CD96: variants seen among roughly 807,000 people sequenced by gnomAD.
CD96 encodes T-cell surface protein tactile.
In CD96, 70 loss-of-function variants were observed where a neutral mutation model predicts 71.3. The observed-to-expected ratio is 0.98, with a 90% CI of 0.81 to 1.20. CD96 has a LOEUF of 1.20. Ranked by LOEUF, CD96 falls within the 50% of genes most tolerant of loss-of-function variation. The pLI, the probability that CD96 is intolerant of heterozygous loss-of-function variation, is 0.00. For synonymous variants in CD96, 248 were observed against 233.0 expected (o/e 1.06, Z -0.59); for missense variants, 742 against 677.5 (o/e 1.10, Z -1.06).
chr3:111,652,725 A>G (rs1940134765), downstream of CD96, among the ~76,000 whole-genome samples: 1 of 152,160 alleles, frequency 6.6e-6, no homozygotes, highest in Admixed American at 6.5e-5. Context: ...CTTTTCACAA[A>G]CCTGCAAATT....
chr3:111,560,567 C>G (rs1156902170), intron 2 of CD96, among the ~76,000 whole-genome samples: 2 of 107,168 alleles, frequency 1.9e-5, no homozygotes, highest in African/African-American at 3.8e-5. Flanking sequence ...AGGGTTTCTG[C>G]CGAGAGATCC....
intron 2 of CD96, among the ~76,000 whole-genome samples, chr3:111,563,119 G>T (rs938923344): frequency 6.6e-6 from 1 of 152,182 alleles, no homozygotes; most frequent in Non-Finnish European, 1.5e-5. Flanking sequence ...CTTTTATAAT[G>T]GCATTAATGC....
rs1939341173 is a variant in CD96 at position 111,636,625 on chromosome 3, A to T, written c.1322-571A>T. ...TGTCTGAGTTTGCTGCCATCCACTC[A>T]AGGGGAAGGTTTGTCTCTAAATGCT... On this transcript the variant is annotated intron_variant, in intron 10 of 13. Coordinates refer to ENST00000352690, the MANE Select transcript of CD96 (RefSeq NM_005816.5). Among the ~76,000 whole-genome samples, 3 of 152,196 alleles carry T rather than the reference A, an allele frequency of 2.0e-5. No homozygotes were observed. The South Asian group carries it at 6.2e-4, about 32-fold the overall frequency.
At chr3:111,556,029 A>G (rs1276858824) in intron 2 of CD96, among the ~76,000 whole-genome samples, 3 of 152,294 alleles carry the variant, frequency 2.0e-5, no homozygotes. Context: ...TTCTTCAGCC[A>G]TCTCAAATTT....
At position 111,614,879 on chromosome 3, in the gene CD96, A is replaced by G. The variant is rs368580080; in HGVS notation, c.1180+8087A>G. Among the ~76,000 whole-genome samples, 13 of 152,298 alleles carry G rather than the reference A, an allele frequency of 8.5e-5. No homozygotes were observed. The East Asian group carries it at 2.3e-3, about 27-fold the overall frequency. Reference sequence around the variant, plus strand: ...TCCACACTTCGCTTGGTCTAAAGTGAAGGAGCGGATTCTTCTTCATCTTCT... The same window carrying G: ...TCCACACTTCGCTTGGTCTAAAGTGGAGGAGCGGATTCTTCTTCATCTTCT... On this transcript the variant is annotated intron_variant, in intron 8 of 13. Coordinates refer to ENST00000352690, the MANE Select transcript of CD96 (RefSeq NM_005816.5).
At chr3:111,579,267 T>C in intron 4 of CD96, 33 bp downstream of exon 4, 2 of 1,074,896 alleles carry the variant, frequency 1.9e-6, no homozygotes, top group Non-Finnish European at 2.9e-6. Flanking sequence ...CTCACTGGCA[T>C]CCTCCTGTCT....
chr3:111,603,560 A>C (rs1937547298), intron 7 of CD96, among the ~76,000 whole-genome samples: 1 of 151,230 alleles, frequency 6.6e-6, no homozygotes, highest in Non-Finnish European at 1.5e-5. Flanking sequence ...TGTTTTGGGG[A>C]GTGGATAGGA....
intron 4 of CD96, among the ~76,000 whole-genome samples, chr3:111,579,986 C>A (rs1936394937): frequency 6.6e-6 from 1 of 152,212 alleles, no homozygotes; most frequent in Non-Finnish European, 1.5e-5. Flanking sequence ...CTGCCAAAAT[C>A]TAATTGTTTA....
intron 8 of CD96, among the ~76,000 whole-genome samples, chr3:111,617,298 C>T (rs143271642): frequency 0.013 from 1,912 of 152,304 alleles, 11 homozygotes; most frequent in Middle Eastern, 0.041. Context: ...TGGCCTGAAG[C>T]CTGGGAGCCA....
intron 12 of CD96, among the ~76,000 whole-genome samples, chr3:111,641,246 G>A (rs575956424): frequency 1.8e-4 from 28 of 152,222 alleles, no homozygotes; most frequent in Non-Finnish European, 2.2e-4. Flanking sequence ...TGCTGCCTTC[G>A]GGAGACTCAC....
downstream of CD96, among the ~76,000 whole-genome samples, chr3:111,652,668 GC>G (rs1260849619): frequency 6.6e-6 from 1 of 152,122 alleles, no homozygotes; most frequent in Non-Finnish European, 1.5e-5. Context: ...AATAGAGTGA[GC>G]GGTTGCTTAT....
intron 5 of CD96, among the ~76,000 whole-genome samples, chr3:111,596,098 G>C (rs1197955475): frequency 6.6e-6 from 1 of 151,970 alleles, no homozygotes; most frequent in Non-Finnish European, 1.5e-5. Context: ...GGAGGTGGAG[G>C]TTGCAGTAAG....
chr3:111,641,179 G>A (rs1939572359), intron 12 of CD96, among the ~76,000 whole-genome samples: 1 of 152,190 alleles, frequency 6.6e-6, no homozygotes, highest in South Asian at 2.1e-4. Flanking sequence ...TGGCCTAAAT[G>A]TTCCACTTAA....
intron 5 of CD96, chr3:111,593,245 A>T (rs759115852): frequency 7.3e-6 from 2 of 272,906 alleles, no homozygotes; most frequent in Non-Finnish European, 1.4e-5. Flanking sequence ...TTGTTAAACA[A>T]CGCTGACTGG....
Position 111,594,139 on chromosome 3 carries a change from C to A in CD96, c.808-3981C>A, listed in dbSNP as rs146458525. ...CACTAATCTCTTCCTCCTCCTTCAT[C>A]TCTAAGTCCCCTTTTGCCTTCATCA... On this transcript the variant is annotated intron_variant, in intron 5 of 13. Coordinates refer to ENST00000352690, the MANE Select transcript of CD96 (RefSeq NM_005816.5). 3.6e-5 allele frequency: 58 copies of A among 1,613,438 alleles called. No individual in the cohort carries two copies. In the African/African-American group the frequency reaches 7.2e-4, roughly 20 times the overall value.
intron 8 of CD96, chr3:111,612,961 G>C (rs1009358163): frequency 1.0e-5 from 2 of 192,772 alleles, no homozygotes; most frequent in Non-Finnish European, 1.9e-5. Context: ...TCTCACTGTA[G>C]ATATGAATCT....
At chr3:111,554,029 G>A (rs1183732119) in intron 2 of CD96, among the ~76,000 whole-genome samples, 1 of 151,858 alleles carries the variant, frequency 6.6e-6, no homozygotes, top group African/African-American at 2.4e-5. Context: ...TTTTGGTCAA[G>A]AAAAGTTTTC....
At position 111,594,316 on chromosome 3, in the gene CD96, A is replaced by G. The variant is rs1362863077; in HGVS notation, c.808-3804A>G. On this transcript the variant is annotated intron_variant, in intron 5 of 13. Coordinates refer to ENST00000352690, the MANE Select transcript of CD96 (RefSeq NM_005816.5). ...GGCCTGTGGTAACTCTTGGGGATTCACAATAATGGCCAAAGTCTGGCCACA... is the reference window on the plus strand; with the variant it reads ...GGCCTGTGGTAACTCTTGGGGATTCGCAATAATGGCCAAAGTCTGGCCACA... 5 of 1,331,148 alleles carry G rather than the reference A, an allele frequency of 3.8e-6. No individual in the cohort carries two copies. The African/African-American group carries it at 5.9e-5, about 16-fold the overall frequency. 82.5% of individuals were successfully genotyped at this position (1,331,148 alleles called of 1,614,324 possible).
intron 6 of CD96, among the ~76,000 whole-genome samples, chr3:111,599,563 T>C (rs1417189556): frequency 6.6e-6 from 1 of 151,820 alleles, no homozygotes; most frequent in East Asian, 1.9e-4. Context: ...CTACTAAAAA[T>C]ACAAAAAAAT....
Sources: allele counts gnomAD v4.1 joint callset (sites outside exome capture counted in the v4.1 genomes callset), GRCh38; gene constraint gnomAD v4.1.1; transcripts MANE v1.5; gene names NCBI Gene and HGNC (gene_info 2026-07-23, HGNC 2026-07-21).